Variants in AMMECR1L observed in about 807,000 individuals in gnomAD.
The protein encoded by AMMECR1L is AMMECR1-like protein.
AMMECR1L carries 4 observed loss-of-function variants against 36.8 expected under a neutral mutation model. That is an observed-to-expected ratio of 0.11 (90% CI 0.05 to 0.25). The LOEUF (loss-of-function observed/expected upper bound fraction) is 0.25. Ranked by LOEUF, AMMECR1L falls within the 10% of genes least tolerant of loss-of-function variation. The pLI is 1.00. For synonymous variants in AMMECR1L, 147 were observed against 148.0 expected, an observed-to-expected ratio of 0.99 and a Z score of 0.05; for missense variants, 232 against 392.1, an observed-to-expected ratio of 0.59 and a Z score of 3.45.
At chr2:127,875,681 C>T (rs989986704) in intron 2 of AMMECR1L, among the ~76,000 whole-genome samples, 9 of 152,096 alleles carry the variant, frequency 5.9e-5, no homozygotes, top group South Asian at 4.2e-4. Flanking sequence ...AGGGCATTTC[C>T]GATTGAGATC....
At chr2:127,878,782 A>C (rs917287836) in intron 2 of AMMECR1L, among the ~76,000 whole-genome samples, 1 of 152,242 alleles carries the variant, frequency 6.6e-6, no homozygotes, top group Admixed American at 6.5e-5. Flanking sequence ...TTTAGATCCA[A>C]GCATTTCTCT....
chr2:127,884,262 T>G lies in AMMECR1L; in HGVS notation c.-98A>C, dbSNP rs998645950. ...CTACAACAGAGGAGGGGAGCTATTTTGTCTCTGGAATGAATTTTCTTCCTT... is the reference window on the plus strand; with the variant it reads ...CTACAACAGAGGAGGGGAGCTATTTGGTCTCTGGAATGAATTTTCTTCCTT... On this transcript the variant is annotated 5_prime_UTR_variant, in exon 2 of 8. Transcript: ENST00000272647. 1 of 152,292 alleles carries G rather than the reference T, an allele frequency of 6.6e-6. No homozygotes were observed. The highest frequency in any genetic ancestry group is 1.5e-5 in the Non-Finnish European group (1 of 68,074). 9.4% of individuals were successfully genotyped at this position (152,292 alleles called of 1,614,324 possible).
rs1690935352 is a variant in AMMECR1L at position 127,870,943 on chromosome 2, A to G, written c.519-15T>C. On this transcript the variant is annotated splice_polypyrimidine_tract_variant and intron_variant, in intron 4 of 7. Transcript: ENST00000272647. ...CCTTAAGTGCACTGGAGGGGGACAG[A>G]AAACATAGGTAAGGCTGCTCTGGAG... 1.9e-6 allele frequency: 3 copies of G among 1,596,496 alleles called. No individual in the cohort carries two copies. The highest frequency in any genetic ancestry group is 2.6e-6 in the Non-Finnish European group (3 of 1,167,886).
intron 5 of AMMECR1L, among the ~76,000 whole-genome samples, chr2:127,870,514 G>A (rs1690916246): frequency 6.6e-6 from 1 of 151,862 alleles, no homozygotes. Flanking sequence ...TTACTCCAGG[G>A]CTTGCCAAGA....
intron 2 of AMMECR1L, among the ~76,000 whole-genome samples, chr2:127,876,047 G>A (rs529519148): frequency 2.0e-5 from 3 of 150,064 alleles, no homozygotes; most frequent in East Asian, 1.9e-4. Flanking sequence ...TCCGCTCCCC[G>A]CCCCGCCCCC....
At chr2:127,868,788 G>C (rs567763935) in intron 6 of AMMECR1L, among the ~76,000 whole-genome samples, 2 of 151,488 alleles carry the variant, frequency 1.3e-5, no homozygotes, top group Non-Finnish European at 1.5e-5. Context: ...GTAATGGCAC[G>C]ATCTTGGCTC....
chr2:127,876,516 T>C (rs1481062569), intron 2 of AMMECR1L, among the ~76,000 whole-genome samples: 1 of 152,066 alleles, frequency 6.6e-6, no homozygotes, highest in Non-Finnish European at 1.5e-5. Context: ...GACTACACTG[T>C]TTCTGACCAT....
rs549297981 is a variant in AMMECR1L at position 127,876,055 on chromosome 2, C to G, written c.-38-1783G>C. 2.0e-5 allele frequency among the ~76,000 whole-genome samples: 3 copies of G among 151,938 alleles called. No individual in the cohort carries two copies. In the South Asian group the frequency reaches 6.3e-4, roughly 32 times the overall value. ...GGAGGGATCCGCTCCCCGCCCCGCC[C>G]CCCCACCCGCTGGCTGGACACAGTG... On this transcript the variant is annotated intron_variant, in intron 2 of 7. Coordinates refer to ENST00000272647, the MANE Select transcript of AMMECR1L (RefSeq NM_001199140.2).
chr2:127,879,511 C>A (rs1349028117), intron 2 of AMMECR1L, among the ~76,000 whole-genome samples: 1 of 152,122 alleles, frequency 6.6e-6, no homozygotes, highest in Non-Finnish European at 1.5e-5. Flanking sequence ...GCCAATTAAG[C>A]CTTTTTTTTA....
intron 1 of AMMECR1L, chr2:127,885,185 G>C (rs1691702792): frequency 1.0e-6 from 1 of 984,964 alleles, no homozygotes; most frequent in Non-Finnish European, 1.2e-6. Flanking sequence ...GTAGGGGTGC[G>C]AAAAAGAGAA....
In AMMECR1L at chr2:127,874,412, A is replaced by T; in HGVS notation, c.-38-140T>A. On this transcript the variant is annotated intron_variant, in intron 2 of 7. Coordinates refer to ENST00000272647, the MANE Select transcript of AMMECR1L (RefSeq NM_001199140.2). This position sits in a 1 kb window ranked among gnomAD's most constrained non-coding sequence, Gnocchi z 5.2. ...CCACTCAACCTCCAGGTCACAGACC[A>T]GGAGAAGAAACCCCTAACCTTTTCC... 1 of 785,158 alleles carries T rather than the reference A, an allele frequency of 1.3e-6. No homozygotes were observed. The highest frequency in any genetic ancestry group is 2.0e-6 in the Non-Finnish European group (1 of 509,700). The allele number at this position is 785,158 out of a possible 1,614,324, so 48.6% of individuals were successfully genotyped here. A position where few individuals can be genotyped will look rare whatever the true frequency, so the allele number is the denominator to read the frequency against.
chr2:127,869,724 T>C lies in AMMECR1L; in HGVS notation c.634-180A>G, dbSNP rs1208441927. Among the ~76,000 whole-genome samples the C allele has an allele frequency of 6.6e-6, 1 of 152,180 alleles. No homozygotes were observed. Among genetic ancestry groups the C allele is most frequent in the East Asian group, 1.9e-4 (1 of 5,196 alleles). On this transcript the variant is annotated intron_variant, in intron 5 of 7. Coordinates refer to ENST00000272647, the MANE Select transcript of AMMECR1L (RefSeq NM_001199140.2). This position sits in a 1 kb window ranked among gnomAD's most constrained non-coding sequence, Gnocchi z 4.7. ...GTATAGAGGCCAAAGAAAGTTCTGCTTTTAGGGAAGGGTCGAGAGTATGTG... is the reference window on the plus strand; with the variant it reads ...GTATAGAGGCCAAAGAAAGTTCTGCCTTTAGGGAAGGGTCGAGAGTATGTG...
At chr2:127,878,645 G>A (rs1017598587) in intron 2 of AMMECR1L, among the ~76,000 whole-genome samples, 1 of 152,132 alleles carries the variant, frequency 6.6e-6, no homozygotes, top group African/African-American at 2.4e-5. Flanking sequence ...CTGCCTACAT[G>A]CCACATACAA....
chr2:127,875,392 G>T lies in AMMECR1L; in HGVS notation c.-38-1120C>A, dbSNP rs542072482. Among the ~76,000 whole-genome samples the T allele has an allele frequency of 6.2e-4, 95 of 152,210 alleles. 1 individual carries two copies. The highest frequency in any genetic ancestry group is 1.2e-3 in the Non-Finnish European group (81 of 68,002). On this transcript the variant is annotated intron_variant, in intron 2 of 7. Transcript: ENST00000272647. ...GAAAGAGAGAGAAAGAAGGGCAAGT[G>T]GGGGGAGGGAGAGAGAGAAGAGAGA...
intron 1 of AMMECR1L, among the ~76,000 whole-genome samples, 155 bp from the exon 2 acceptor site, chr2:127,884,467 C>A (rs561389106): frequency 6.6e-6 from 1 of 152,136 alleles, no homozygotes; most frequent in Admixed American, 6.6e-5. Flanking sequence ...ATTTCAAAAC[C>A]TTGCAAACTC....
At position 127,868,770 on chromosome 2, in the gene AMMECR1L, G is replaced by T. The variant is rs187457225; in HGVS notation, c.724+684C>A. Reference sequence around the variant, plus strand: ...AGATGGAGGCTCGCTCTGTCACCAGGCTGGAGTGTAATGGCACGATCTTGG... The same window carrying T: ...AGATGGAGGCTCGCTCTGTCACCAGTCTGGAGTGTAATGGCACGATCTTGG... On this transcript the variant is annotated intron_variant, in intron 6 of 7. Transcript: ENST00000272647. Among the ~76,000 whole-genome samples the T allele has an allele frequency of 2.4e-4, 36 of 152,130 alleles. No individual in the cohort carries two copies. The East Asian group carries it at 7.0e-3, about 29-fold the overall frequency.
At position 127,870,934 on chromosome 2, in the gene AMMECR1L, G is replaced by C; in HGVS notation, c.519-6C>G. On this transcript the variant is annotated splice_region_variant and splice_polypyrimidine_tract_variant and intron_variant, in intron 4 of 7. Coordinates refer to ENST00000272647, the MANE Select transcript of AMMECR1L (RefSeq NM_001199140.2). Reference sequence around the variant, plus strand: ...ATCGGCTGTCCTTAAGTGCACTGGAGGGGGACAGAAAACATAGGTAAGGCT... The same window carrying C: ...ATCGGCTGTCCTTAAGTGCACTGGACGGGGACAGAAAACATAGGTAAGGCT... The C allele has an allele frequency of 1.2e-6, 2 of 1,607,726 alleles. No homozygotes were observed. Among genetic ancestry groups the C allele is most frequent in the Non-Finnish European group, 8.5e-7 (1 of 1,176,342 alleles).
chr2:127,869,739 G>A lies in AMMECR1L; in HGVS notation c.634-195C>T, dbSNP rs1573541888. On this transcript the variant is annotated intron_variant, in intron 5 of 7. Transcript: ENST00000272647. This position sits in a 1 kb window ranked among gnomAD's most constrained non-coding sequence, Gnocchi z 4.7. ...AAAGTTCTGCTTTTAGGGAAGGGTC[G>A]AGAGTATGTGCAGCCAACTCTGAGA... is the stretch of plus-strand genomic sequence containing the variant. 1.3e-5 allele frequency among the ~76,000 whole-genome samples: 2 copies of A among 152,322 alleles called. No individual in the cohort carries two copies. Among genetic ancestry groups the A allele is most frequent in the East Asian group, 1.9e-4 (1 of 5,188 alleles).
chr2:127,866,403 G>C (rs1220019216), intron 7 of AMMECR1L, among the ~76,000 whole-genome samples: 2 of 152,172 alleles, frequency 1.3e-5, no homozygotes, highest in African/African-American at 4.8e-5. Flanking sequence ...TGTTGAGCTG[G>C]GATTCCAACT....
Sources: gnomAD v4.1 joint callset for allele counts (sites outside exome capture counted in the v4.1 genomes callset) on GRCh38, gnomAD v4.1.1 for gene constraint, Gnocchi (gnomAD v3.1) non-coding constraint, MANE v1.5 for transcripts, NCBI Gene and HGNC (gene_info 2026-07-23, HGNC 2026-07-21) for gene names.